RIT2: variants seen among roughly 807,000 people sequenced by gnomAD.
RIT2 encodes GTP-binding protein Rit2.
A neutral mutation model predicts 23.7 loss-of-function variants in RIT2; 24 were observed. The ratio of observed to expected loss-of-function variants is 1.01; its 90% CI spans 0.73 to 1.43. RIT2 has a LOEUF of 1.43. Among genes scored for constraint, RIT2 ranks in the 40% most tolerant of loss-of-function variants. RIT2 has a pLI of 0.00. For missense variants in RIT2, 236 were observed against 266.9 expected, an observed-to-expected ratio of 0.88 and a Z score of 0.81; for synonymous variants, 107 against 91.1, an observed-to-expected ratio of 1.17 and a Z score of -0.99.
intron 4 of RIT2, among the ~76,000 whole-genome samples, chr18:42,859,579 A>G (rs1479417500): frequency 6.6e-6 from 1 of 152,012 alleles, no homozygotes; most frequent in Non-Finnish European, 1.5e-5. Context: ...GATAAATCCT[A>G]GTTTTTTTCT....
chr18:42,915,833 A>G (rs1444190852), intron 4 of RIT2, among the ~76,000 whole-genome samples: 1 of 151,958 alleles, frequency 6.6e-6, no homozygotes, highest in Admixed American at 6.6e-5. Context: ...TATATTTTAA[A>G]CATTTGTACA....
chr18:42,991,065 C>T (rs1910835646), intron 2 of RIT2, among the ~76,000 whole-genome samples: 1 of 152,026 alleles, frequency 6.6e-6, no homozygotes, highest in African/African-American at 2.4e-5. Context: ...TAATAAAAAG[C>T]AGAACCTTTT....
chr18:43,089,979 G>A (rs572516063), intron 1 of RIT2, among the ~76,000 whole-genome samples: 1 of 152,138 alleles, frequency 6.6e-6, no homozygotes, highest in Admixed American at 6.6e-5. Flanking sequence ...CTAGGAATGG[G>A]CAAAAATTTC....
intron 4 of RIT2, among the ~76,000 whole-genome samples, chr18:42,749,886 C>G (rs1254167306): frequency 6.6e-6 from 1 of 151,456 alleles, no homozygotes; most frequent in Non-Finnish European, 1.5e-5. Flanking sequence ...ATGTATGCAA[C>G]AAAGACATGC....
chr18:43,035,320 G>T (rs1425973685), intron 1 of RIT2, among the ~76,000 whole-genome samples: 2 of 152,132 alleles, frequency 1.3e-5, no homozygotes, highest in Non-Finnish European at 1.5e-5. Flanking sequence ...GCAAATCAAC[G>T]TTCCTTACAG....
chr18:43,025,232 A>C (rs940265988), intron 2 of RIT2, among the ~76,000 whole-genome samples: 20 of 145,724 alleles, frequency 1.4e-4, no homozygotes, highest in African/African-American at 3.3e-4. Context: ...AAAACAAAAA[A>C]AAAACAAAAA....
intron 4 of RIT2, among the ~76,000 whole-genome samples, chr18:42,810,529 G>A (rs1354215971): frequency 6.6e-6 from 1 of 151,528 alleles, no homozygotes; most frequent in Non-Finnish European, 1.5e-5. Flanking sequence ...CAAGATGAAA[G>A]AGAACCATTA....
At chr18:42,857,215 G>A (rs1907210968) in intron 4 of RIT2, among the ~76,000 whole-genome samples, 1 of 152,138 alleles carries the variant, frequency 6.6e-6, no homozygotes, top group Non-Finnish European at 1.5e-5. Flanking sequence ...AAACTACAAG[G>A]TCACGTTCCA....
intron 4 of RIT2, among the ~76,000 whole-genome samples, chr18:42,769,375 G>A (rs921362834): frequency 6.6e-6 from 1 of 151,904 alleles, no homozygotes; most frequent in Admixed American, 6.6e-5. Context: ...TTACAATTAT[G>A]TAAGCCATTG....
chr18:42,998,197 C>CA (rs1911029738), intron 2 of RIT2, among the ~76,000 whole-genome samples: 1 of 152,084 alleles, frequency 6.6e-6, no homozygotes, highest in African/African-American at 2.4e-5. Flanking sequence ...CTCTATTATG[C>CA]AAAGTGCTGC....
intron 4 of RIT2, among the ~76,000 whole-genome samples, chr18:42,820,475 G>A (rs1379515312): frequency 6.6e-6 from 1 of 152,068 alleles, no homozygotes. Context: ...ACATCAATAG[G>A]CTTTCTAACT....
intron 4 of RIT2, among the ~76,000 whole-genome samples, chr18:42,884,597 G>A (rs1395114907): frequency 1.3e-5 from 2 of 152,138 alleles, no homozygotes; most frequent in Admixed American, 1.3e-4. Context: ...AGAGGTGTTT[G>A]TTTGAACTTA....
chr18:42,824,537 T>A (rs952068325), intron 4 of RIT2, among the ~76,000 whole-genome samples: 2 of 152,038 alleles, frequency 1.3e-5, no homozygotes, highest in Non-Finnish European at 2.9e-5. Flanking sequence ...ATGCATAAAA[T>A]TATATGGTAA....
intron 4 of RIT2, among the ~76,000 whole-genome samples, chr18:42,917,838 C>A (rs947841007): frequency 6.6e-6 from 1 of 152,118 alleles, no homozygotes; most frequent in African/African-American, 2.4e-5. Context: ...ATCCTCCCCA[C>A]ACTCCGGAGT....
At chr18:42,941,292 T>C (rs959722584) in intron 3 of RIT2, among the ~76,000 whole-genome samples, 2 of 152,102 alleles carry the variant, frequency 1.3e-5, no homozygotes, top group Non-Finnish European at 2.9e-5. Context: ...CAAGATGGTA[T>C]GATTTGAGGA....
chr18:42,899,383 A>G lies in RIT2; in HGVS notation c.426+24189T>C, dbSNP rs891159720. 2.6e-5 allele frequency among the ~76,000 whole-genome samples: 4 copies of G among 151,574 alleles called. 1 individual carries two copies. In the South Asian group the frequency reaches 8.4e-4, roughly 32 times the overall value. On this transcript the variant is annotated intron_variant, in intron 4 of 4. Coordinates refer to ENST00000326695, the MANE Select transcript of RIT2 (RefSeq NM_002930.4). ...AAATTCAAGCTGGAGGGAGAGATCA[A>G]TAATTGAGATACCCTATATGGCAAG...
chr18:42,816,420 T>A (rs1906000566), intron 4 of RIT2, among the ~76,000 whole-genome samples: 1 of 152,166 alleles, frequency 6.6e-6, no homozygotes, highest in Non-Finnish European at 1.5e-5. Context: ...GCTCAAATAG[T>A]ATTGTTATTG....
chr18:42,814,816 C>A (rs1905949039), intron 4 of RIT2, among the ~76,000 whole-genome samples: 1 of 152,186 alleles, frequency 6.6e-6, no homozygotes, highest in Non-Finnish European at 1.5e-5. Flanking sequence ...AGAGTCCATT[C>A]TCCTCTCCCG....
intron 4 of RIT2, among the ~76,000 whole-genome samples, chr18:42,918,328 T>C (rs1172256696): frequency 2.0e-5 from 3 of 152,180 alleles, no homozygotes; most frequent in African/African-American, 7.2e-5. Context: ...AGCTTTGTTT[T>C]GTTTTGTTTT....
Sources: gnomAD v4.1 joint callset for allele counts (sites outside exome capture counted in the v4.1 genomes callset) on GRCh38, gnomAD v4.1.1 for gene constraint, MANE v1.5 for transcripts, NCBI Gene and HGNC (gene_info 2026-07-23, HGNC 2026-07-21) for gene names.